VPS50: variants seen among roughly 807,000 people sequenced by gnomAD.
VPS50 encodes the protein VPS50 subunit of EARP/GARPII complex.
In VPS50, 70 loss-of-function variants were observed where a neutral mutation model predicts 139.7. That is an observed-to-expected ratio of 0.50 (90% CI 0.41 to 0.61). The LOEUF (loss-of-function observed/expected upper bound fraction) is 0.61, where lower values mean the gene tolerates loss of function less well. Among genes scored for constraint, VPS50 ranks in the 20% least tolerant of loss-of-function variants. The probability of loss-of-function intolerance (pLI) is 0.00; values close to 1 mark genes in which losing one functional copy is unlikely to be tolerated. For synonymous variants in VPS50, 365 were observed against 376.7 expected (o/e 0.97, Z 0.36); for missense variants, 921 against 1,133.7 (o/e 0.81, Z 2.69).
rs76458596 is a variant in VPS50, at chr7:93,259,753, A to G, written c.659+121A>G. 2.3e-3 allele frequency: 1,209 copies of G among 532,386 alleles called. 11 individuals carry two copies. Among genetic ancestry groups the G allele is most frequent in the African/African-American group, 0.022 (1,121 of 51,584 alleles). 33.0% of individuals were successfully genotyped at this position (532,386 alleles called of 1,614,324 possible). ...AGTGTTGTGTTCTAGTTTAACATTC[A>G]TATTTATATATGGGCAGTACAATAA... On this transcript the variant is annotated intron_variant, in intron 9 of 27. Transcript: ENST00000305866.
chr7:93,250,916 A>G (rs1795304683), intron 2 of VPS50, among the ~76,000 whole-genome samples: 1 of 152,034 alleles, frequency 6.6e-6, no homozygotes, highest in African/African-American at 2.4e-5. Flanking sequence ...AAGCCAACAA[A>G]CATATGAAAA....
chr7:93,330,939 G>A (rs1475517022), intron 21 of VPS50, among the ~76,000 whole-genome samples: 4 of 151,816 alleles, frequency 2.6e-5, no homozygotes, highest in Non-Finnish European at 5.9e-5. Flanking sequence ...AGTACATTTA[G>A]CAAACTCCTA....
At chr7:93,312,382 G>A (rs879692189) in intron 20 of VPS50, among the ~76,000 whole-genome samples, 17 of 152,122 alleles carry the variant, frequency 1.1e-4, no homozygotes, top group Admixed American at 3.3e-4. Flanking sequence ...CCATGAAGTC[G>A]GTTGTCTTTC....
In VPS50 at chr7:93,296,752, T is replaced by C; in HGVS notation, c.1178T>C (p.Leu393Pro). Residue 393 changes from leucine (L) to proline (P), a missense_variant, in exon 15 of 28, where the codon CTA becomes CCA. Physicochemically the swap from Leu to Pro is moderately conservative, Grantham distance 98. Coordinates refer to ENST00000305866, the MANE Select transcript of VPS50 (RefSeq NM_017667.4). Reference protein sequence around the residue: ...GLTRIWQDVQLKVKTYLLGTD... With the variant: ...GLTRIWQDVQPKVKTYLLGTD... ...TTCTTTGCCTTACAGGATGTTCAGC[T>C]AAAAGTAAAAACCTACTTGCTTGGA... is the stretch of plus-strand genomic sequence containing the variant. The C allele has an allele frequency of 5.0e-6, 8 of 1,601,868 alleles. No homozygotes were observed. Among genetic ancestry groups the C allele is most frequent in the Non-Finnish European group, 5.1e-6 (6 of 1,177,424 alleles).
At chr7:93,240,441 C>T (rs1794955005) in intron 2 of VPS50, among the ~76,000 whole-genome samples, 1 of 152,036 alleles carries the variant, frequency 6.6e-6, no homozygotes, top group East Asian at 1.9e-4. Flanking sequence ...TAACTTATCT[C>T]CTAGATTGTA....
chr7:93,341,905 T>C (rs763859313), intron 23 of VPS50, among the ~76,000 whole-genome samples: 2 of 152,230 alleles, frequency 1.3e-5, no homozygotes, highest in African/African-American at 2.4e-5. Context: ...GAAGCTGTAG[T>C]TGCATTGTCA....
At chr7:93,323,865 T>C (rs1797690531) in intron 21 of VPS50, 133 bp downstream of exon 21, 2 of 390,182 alleles carry the variant, frequency 5.1e-6, no homozygotes, top group South Asian at 1.7e-4. Context: ...AACAAAATTA[T>C]TGATATCAGC....
At chr7:93,275,495 C>T (rs1055499692) in intron 11 of VPS50, among the ~76,000 whole-genome samples, 3 of 152,182 alleles carry the variant, frequency 2.0e-5, no homozygotes, top group African/African-American at 4.8e-5. Context: ...GATCGACTCA[C>T]TGAAGGCCCA....
chr7:93,304,332 A>C (rs968361223), intron 17 of VPS50, among the ~76,000 whole-genome samples: 3 of 151,696 alleles, frequency 2.0e-5, no homozygotes, highest in African/African-American at 4.8e-5. Context: ...ACATAATTAC[A>C]AGTTTTTTTT....
intron 23 of VPS50, 24 bp from the exon 24 acceptor site, chr7:93,348,687 C>T (rs200258267): frequency 3.3e-5 from 47 of 1,443,376 alleles, no homozygotes; most frequent in Non-Finnish European, 4.1e-5. Context: ...TTTGTTTACA[C>T]AGTGGGTTAT....
chr7:93,334,265 C>T, intron 22 of VPS50, 68 bp downstream of exon 22: 2 of 874,236 alleles, frequency 2.3e-6, no homozygotes, highest in South Asian at 1.4e-5. Context: ...CAATCAATTT[C>T]ATATAAATGT....
rs759596886 is a variant in VPS50, at chr7:93,353,730, A to G, written c.2554A>G (p.Ile852Val). ...PVSNILWEHC[I>V]RLANRTIVEG... is the part of the protein sequence containing the mutation. ...GTCTAATATACTTTGGGAACATTGTATACGATTGGCTAATCGAACTATTGT... is the reference window on the plus strand; with the variant it reads ...GTCTAATATACTTTGGGAACATTGTGTACGATTGGCTAATCGAACTATTGT... Residue 852 changes from isoleucine (I) to valine (V), a missense_variant, in exon 26 of 28, where the codon ATA becomes GTA. By Grantham distance (29) the Ile-to-Val change is conservative. Around this residue, in one of 3 missense-constraint regions of VPS50, gnomAD observed 158 missense variants for 156.3 expected, o/e 1.01. Transcript: ENST00000305866. 3.7e-6 allele frequency: 6 copies of G among 1,611,566 alleles called. No homozygotes were observed. In the South Asian group the frequency reaches 4.4e-5, roughly 12 times the overall value.
chr7:93,232,758 C>T (rs910681687), intron 1 of VPS50, among the ~76,000 whole-genome samples: 1 of 152,096 alleles, frequency 6.6e-6, no homozygotes, highest in African/African-American at 2.4e-5. Flanking sequence ...TCTTTGTCTC[C>T]CCTCCTCCTC....
At chr7:93,243,551 T>A (rs867214276) in intron 2 of VPS50, among the ~76,000 whole-genome samples, 6 of 151,980 alleles carry the variant, frequency 3.9e-5, no homozygotes, top group South Asian at 2.1e-4. Context: ...TGACCTAAAA[T>A]TTCATTCTTC....
chr7:93,250,802 A>G (rs1188344869), intron 2 of VPS50, among the ~76,000 whole-genome samples: 2 of 152,212 alleles, frequency 1.3e-5, no homozygotes, highest in Non-Finnish European at 2.9e-5. Flanking sequence ...CCATCTGACA[A>G]AGAGCTAATA....
chr7:93,313,309 G>A (rs1797326527), intron 20 of VPS50, among the ~76,000 whole-genome samples: 1 of 152,076 alleles, frequency 6.6e-6, no homozygotes, highest in Non-Finnish European at 1.5e-5. Context: ...GCTCTTACAG[G>A]GAATTGGGAA....
chr7:93,241,348 C>G (rs1370346806), intron 2 of VPS50, among the ~76,000 whole-genome samples: 1 of 152,048 alleles, frequency 6.6e-6, no homozygotes, highest in Admixed American at 6.6e-5. Flanking sequence ...GATAACTGGC[C>G]TTGGGTGGAG....
chr7:93,282,000 C>G (rs948333587), intron 12 of VPS50, among the ~76,000 whole-genome samples: 3 of 151,958 alleles, frequency 2.0e-5, no homozygotes, highest in Non-Finnish European at 4.4e-5. Context: ...GTCAGGAGAT[C>G]GAGACCATCC....
At chr7:93,258,042 A>G in intron 6 of VPS50, 117 bp from the exon 7 acceptor site, 1 of 597,460 alleles carries the variant, frequency 1.7e-6, no homozygotes, top group Non-Finnish European at 3.0e-6. Context: ...AGTAGTTTAA[A>G]TCCTTGGTTT....
Sources: allele counts gnomAD v4.1 joint callset (sites outside exome capture counted in the v4.1 genomes callset), GRCh38; gene constraint gnomAD v4.1.1; regional missense constraint gnomAD v4.1.1; transcripts MANE v1.5; gene names NCBI Gene and HGNC (gene_info 2026-07-23, HGNC 2026-07-21).